Variants in TEAD1 observed in about 807,000 individuals in gnomAD.
TEAD1 encodes TEA domain transcription factor 1, also known as transcriptional enhancer factor TEF-1.
In TEAD1, 9 loss-of-function variants were observed where a neutral mutation model predicts 54.9. The observed-to-expected ratio is 0.16, with a 90% CI of 0.10 to 0.29. TEAD1 has a LOEUF of 0.29. TEAD1 is among the 10% of genes least tolerant of loss of function. The pLI, the probability that TEAD1 is intolerant of heterozygous loss-of-function variation, is 1.00. For synonymous variants in TEAD1, 200 were observed against 187.8 expected (o/e 1.07, Z -0.53); for missense variants, 387 against 535.9 (o/e 0.72, Z 2.74).
intron 3 of TEAD1, among the ~76,000 whole-genome samples, chr11:12,792,927 A>T (rs182701081): frequency 2.0e-5 from 3 of 152,308 alleles, no homozygotes. Context: ...ATGATGGCTC[A>T]TGACTGTAGT....
chr11:12,739,720 C>CT (rs1489370590), intron 2 of TEAD1, among the ~76,000 whole-genome samples: 2 of 152,316 alleles, frequency 1.3e-5, no homozygotes, highest in African/African-American at 4.8e-5. Context: ...ATTCCCTTTA[C>CT]TGATAAGTCA....
At chr11:12,902,737 T>C (rs1209348416) in intron 10 of TEAD1, among the ~76,000 whole-genome samples, 2 of 152,144 alleles carry the variant, frequency 1.3e-5, no homozygotes, top group Non-Finnish European at 2.9e-5. Flanking sequence ...CCCCTTAGCA[T>C]GGCATTAAAG....
At chr11:12,850,449 A>G (rs1947251739) in intron 3 of TEAD1, among the ~76,000 whole-genome samples, 1 of 152,224 alleles carries the variant, frequency 6.6e-6, no homozygotes, top group African/African-American at 2.4e-5. Flanking sequence ...AAAGAGTTGA[A>G]GGACCATTTT....
chr11:12,855,409 C>A (rs1328318133), intron 3 of TEAD1, among the ~76,000 whole-genome samples: 5 of 152,092 alleles, frequency 3.3e-5, no homozygotes, highest in Admixed American at 3.3e-4. Flanking sequence ...CCTGCCTCAG[C>A]CCCCCGAGTA....
intron 4 of TEAD1, 158 bp from the exon 5 acceptor site, chr11:12,864,680 A>G: frequency 2.0e-6 from 3 of 1,507,074 alleles, no homozygotes; most frequent in Non-Finnish European, 2.7e-6. Context: ...AACCCGAACA[A>G]TGTAGGTGTC....
Position 12,793,445 on chromosome 11 carries a change from T to C in TEAD1, c.202+29011T>C, listed in dbSNP as rs139392443. On this transcript the variant is annotated intron_variant, in intron 3 of 12. Transcript: ENST00000527636. ...TATTTTAGAGGTAGAAAATATCTTA[T>C]AGTTTTTTTGATTTTTATTTCTGGT... Among the ~76,000 whole-genome samples the C allele has an allele frequency of 1.9e-3, 294 of 152,372 alleles. 1 individual carries two copies. The highest frequency in any genetic ancestry group is 3.1e-3 in the Non-Finnish European group (210 of 68,042).
At chr11:12,690,759 T>C (rs1943441535) in intron 2 of TEAD1, among the ~76,000 whole-genome samples, 1 of 152,216 alleles carries the variant, frequency 6.6e-6, no homozygotes, top group African/African-American at 2.4e-5. Context: ...TCTGATACTC[T>C]AGTTCTGTTT....
intron 2 of TEAD1, among the ~76,000 whole-genome samples, chr11:12,717,926 T>C (rs903640659): frequency 3.3e-5 from 5 of 152,206 alleles, no homozygotes; most frequent in Non-Finnish European, 7.3e-5. Flanking sequence ...ACCTTCCTCA[T>C]AGGGCTGTTG....
In TEAD1 at chr11:12,940,644, A is replaced by G. The variant is rs1354345155; in HGVS notation, c.*3422A>G. The G allele has an allele frequency of 6.6e-6, 1 of 152,210 alleles. No homozygotes were observed. The highest frequency in any genetic ancestry group is 6.5e-5 in the Admixed American group (1 of 15,274). 9.4% of individuals were successfully genotyped at this position (152,210 alleles called of 1,614,324 possible). On this transcript the variant is annotated 3_prime_UTR_variant, in exon 13 of 13. Coordinates refer to ENST00000527636, the MANE Select transcript of TEAD1 (RefSeq NM_021961.6). ...AAGTTGGGAACAGCTGGTCACCATC[A>G]TCCCTTTAATCAACTCACACCTGTT...
At chr11:12,700,388 T>C (rs1943673412) in intron 2 of TEAD1, among the ~76,000 whole-genome samples, 1 of 152,218 alleles carries the variant, frequency 6.6e-6, no homozygotes, top group South Asian at 2.1e-4. Context: ...GTGTGCACTT[T>C]ATGGACAGGA....
At chr11:12,825,099 C>A (rs1348360074) in intron 3 of TEAD1, among the ~76,000 whole-genome samples, 1 of 152,152 alleles carries the variant, frequency 6.6e-6, no homozygotes, top group Non-Finnish European at 1.5e-5. Context: ...TTAGCCAGTT[C>A]TGTTTCGTAA....
chr11:12,885,994 C>G (rs1426555208), intron 9 of TEAD1, among the ~76,000 whole-genome samples: 1 of 152,194 alleles, frequency 6.6e-6, no homozygotes, highest in Admixed American at 6.5e-5. Flanking sequence ...TCTGAGAGAT[C>G]ATTGCAAAGT....
chr11:12,876,615 C>T (rs146915091), intron 5 of TEAD1, among the ~76,000 whole-genome samples: 4 of 152,194 alleles, frequency 2.6e-5, no homozygotes, highest in Non-Finnish European at 1.5e-5. Context: ...TCCAATCCCC[C>T]TAGCCTGGGC....
intron 5 of TEAD1, among the ~76,000 whole-genome samples, chr11:12,870,520 A>C (rs1281382293): frequency 1.3e-5 from 2 of 151,940 alleles, no homozygotes; most frequent in Non-Finnish European, 2.9e-5. Flanking sequence ...TGATTTTGGA[A>C]ATTAAATTTA....
intron 10 of TEAD1, among the ~76,000 whole-genome samples, chr11:12,916,122 A>G (rs886089782): frequency 1.3e-4 from 20 of 152,166 alleles, no homozygotes; most frequent in Non-Finnish European, 1.0e-4. Flanking sequence ...AAAGTCTTTA[A>G]TTCACTCAAC....
intron 9 of TEAD1, among the ~76,000 whole-genome samples, chr11:12,890,423 T>G (rs917079981): frequency 6.6e-6 from 1 of 152,170 alleles, no homozygotes; most frequent in African/African-American, 2.4e-5. Flanking sequence ...AGGGGACCGC[T>G]GCTTTAGAGC....
intron 2 of TEAD1, among the ~76,000 whole-genome samples, chr11:12,760,978 G>C (rs554710558): frequency 5.3e-5 from 8 of 152,300 alleles, no homozygotes; most frequent in African/African-American, 1.9e-4. Context: ...TATGTATCTG[G>C]TAGTTTCTGG....
chr11:12,689,849 C>T (rs1460628164), intron 2 of TEAD1, among the ~76,000 whole-genome samples: 1 of 151,860 alleles, frequency 6.6e-6, no homozygotes, highest in Non-Finnish European at 1.5e-5. Context: ...GTTGTCATAC[C>T]GTTTCATCTG....
intron 9 of TEAD1, among the ~76,000 whole-genome samples, chr11:12,896,103 A>G (rs1240268568): frequency 6.6e-6 from 1 of 152,140 alleles, no homozygotes; most frequent in Non-Finnish European, 1.5e-5. Context: ...GGTTAATGTT[A>G]TATATTGGAA....
Sources: gnomAD v4.1 joint callset for allele counts (sites outside exome capture counted in the v4.1 genomes callset) on GRCh38, gnomAD v4.1.1 for gene constraint, MANE v1.5 for transcripts, NCBI Gene and HGNC (gene_info 2026-07-23, HGNC 2026-07-21) for gene names.